Variants in PTBP2 observed in about 807,000 individuals in gnomAD.
The protein encoded by PTBP2 is polypyrimidine tract binding protein 2, also known as polypyrimidine tract-binding protein 2.
Under a neutral mutation model 61.4 loss-of-function variants are expected in PTBP2, and 13 were observed. That is an observed-to-expected ratio of 0.21 (90% CI 0.14 to 0.34). PTBP2 has a LOEUF of 0.34. Among genes scored for constraint, PTBP2 ranks in the 10% least tolerant of loss-of-function variants. The pLI is 1.00. For missense variants in PTBP2, 405 were observed against 642.6 expected, an observed-to-expected ratio of 0.63 and a Z score of 4.00; for synonymous variants, 215 against 218.5, an observed-to-expected ratio of 0.98 and a Z score of 0.14.
chr1:96,769,367 T>C (rs1657126340), intron 3 of PTBP2, among the ~76,000 whole-genome samples: 1 of 152,072 alleles, frequency 6.6e-6, no homozygotes, highest in Non-Finnish European at 1.5e-5. Context: ...AATGTAGTTA[T>C]GTGGCACATG....
intron 2 of PTBP2, among the ~76,000 whole-genome samples, chr1:96,734,917 T>C (rs12047543): frequency 0.074 from 11,077 of 148,966 alleles, 397 homozygotes; most frequent in East Asian, 0.16. Flanking sequence ...TTTTTTTTTT[T>C]TTTTTCCTGC....
chr1:96,745,071 A>G (rs1653569063), intron 2 of PTBP2, among the ~76,000 whole-genome samples: 2 of 152,166 alleles, frequency 1.3e-5, no homozygotes, highest in South Asian at 2.1e-4. Context: ...ATTTGTGAGA[A>G]TGTTATGAAA....
rs573382919 is a variant in PTBP2, at chr1:96,755,322, C to A, written c.115+3822C>A. ...AATATTACAAACCTATTAATAGTGA[C>A]TAAAATTAAAAAGAGTGCCATCTTG... On this transcript the variant is annotated intron_variant, in intron 3 of 13. Transcript: ENST00000674951. 3.9e-5 allele frequency among the ~76,000 whole-genome samples: 6 copies of A among 152,098 alleles called. No individual in the cohort carries two copies. In the East Asian group the frequency reaches 1.2e-3, roughly 29 times the overall value.
At chr1:96,779,313 C>T (rs954573932) in intron 7 of PTBP2, among the ~76,000 whole-genome samples, 3 of 151,954 alleles carry the variant, frequency 2.0e-5, no homozygotes, top group Non-Finnish European at 2.9e-5. Context: ...CAACTTCAAA[C>T]GTTTAAATAT....
chr1:96,746,082 A>C (rs993393652), intron 2 of PTBP2, among the ~76,000 whole-genome samples: 9 of 152,002 alleles, frequency 5.9e-5, no homozygotes, highest in East Asian at 1.9e-4. Flanking sequence ...AAACAAAAAA[A>C]AACAACAACA....
In PTBP2 at chr1:96,735,550, C is replaced by T. The variant is rs1017351871; in HGVS notation, c.39+11956C>T. Among the ~76,000 whole-genome samples, 37 of 151,776 alleles carry T rather than the reference C, an allele frequency of 2.4e-4. 1 individual carries two copies. In the East Asian group the frequency reaches 7.2e-3, roughly 30 times the overall value. ...GATGAGAATGGTTGTTGTTGTAGTT[C>T]TTTAATCTGTAAATCTACATTTGGA... On this transcript the variant is annotated intron_variant, in intron 2 of 13. Coordinates refer to ENST00000674951, the MANE Select transcript of PTBP2 (RefSeq NM_021190.4).
intron 2 of PTBP2, among the ~76,000 whole-genome samples, chr1:96,731,790 A>G (rs75419969): frequency 2.6e-5 from 4 of 152,090 alleles, no homozygotes; most frequent in African/African-American, 7.2e-5. Flanking sequence ...GATTTGTTGC[A>G]TTTCTTTAAA....
chr1:96,742,562 G>A lies in PTBP2; in HGVS notation c.40-8863G>A, dbSNP rs1653174816. 2.0e-5 allele frequency among the ~76,000 whole-genome samples: 3 copies of A among 150,620 alleles called. No homozygotes were observed. In the South Asian group the frequency reaches 6.3e-4, roughly 32 times the overall value. The stretch of plus-strand genomic sequence containing the variant: ...AACCTTTTTACTTGTTTTCTTTTTT[G>A]TTGGGGGCAGTGGAGGGATTCACTT... On this transcript the variant is annotated intron_variant, in intron 2 of 13. Coordinates refer to ENST00000674951, the MANE Select transcript of PTBP2 (RefSeq NM_021190.4).
In PTBP2 at chr1:96,808,806, CACAA is replaced by C. The variant is rs890631532; in HGVS notation, c.1171+1852_1171+1855del. 1.5e-3 allele frequency among the ~76,000 whole-genome samples: 223 copies of C among 148,954 alleles called. 1 individual carries two copies. Among genetic ancestry groups the C allele is most frequent in the African/African-American group, 4.8e-3 (197 of 41,352 alleles). On this transcript the variant is annotated intron_variant, in intron 11 of 13. Coordinates refer to ENST00000674951, the MANE Select transcript of PTBP2 (RefSeq NM_021190.4). ...CATCATTTCCTTTAAAACACACACA[CACAA>C]ACACACACACACACACGCATACACT... is the stretch of plus-strand genomic sequence containing the variant.
chr1:96,802,072 G>A (rs543164330), intron 8 of PTBP2, among the ~76,000 whole-genome samples: 301 of 150,966 alleles, frequency 2.0e-3, no homozygotes, highest in African/African-American at 6.8e-3. Context: ...TTAGCCGGGC[G>A]TGTTGGCGGG....
At chr1:96,766,168 A>G (rs568593016) in intron 3 of PTBP2, among the ~76,000 whole-genome samples, 10 of 152,340 alleles carry the variant, frequency 6.6e-5, no homozygotes, top group Non-Finnish European at 1.3e-4. Flanking sequence ...AGAAGTATTC[A>G]AGTAGAAACC....
chr1:96,730,137 T>G (rs1651205499), intron 2 of PTBP2, among the ~76,000 whole-genome samples: 2 of 152,208 alleles, frequency 1.3e-5, no homozygotes, highest in Non-Finnish European at 2.9e-5. Flanking sequence ...CTGTCTGGAT[T>G]GAAGTTTATT....
At chr1:96,735,794 C>A (rs34057734) in intron 2 of PTBP2, among the ~76,000 whole-genome samples, 44,398 of 151,918 alleles carry the variant, frequency 0.29, 7,211 homozygotes, top group East Asian at 0.44. Flanking sequence ...ATCTAATTAG[C>A]GTTCCAGAAA....
intron 3 of PTBP2, among the ~76,000 whole-genome samples, chr1:96,764,409 T>A (rs1656414661): frequency 6.6e-6 from 1 of 152,220 alleles, no homozygotes; most frequent in African/African-American, 2.4e-5. Flanking sequence ...GCTTGACAAT[T>A]CTAAGGTACA....
intron 2 of PTBP2, among the ~76,000 whole-genome samples, chr1:96,748,905 T>C (rs1429235460): frequency 6.6e-6 from 1 of 152,204 alleles, no homozygotes; most frequent in Admixed American, 6.5e-5. Flanking sequence ...GTGGTAAGCT[T>C]TTTGCTCAAT....
intron 3 of PTBP2, among the ~76,000 whole-genome samples, chr1:96,766,906 CCT>C (rs1656794251): frequency 6.6e-6 from 1 of 151,988 alleles, no homozygotes; most frequent in African/African-American, 2.4e-5. Context: ...AATCATGCTC[CCT>C]GAGTTTAATC....
At chr1:96,807,972 CTGT>C (rs1661662151) in intron 11 of PTBP2, among the ~76,000 whole-genome samples, 1 of 152,078 alleles carries the variant, frequency 6.6e-6, no homozygotes, top group Non-Finnish European at 1.5e-5. Flanking sequence ...ATAGTCATTG[CTGT>C]TGTTTTCATA....
At chr1:96,778,411 G>C (rs1358872869) in intron 7 of PTBP2, among the ~76,000 whole-genome samples, 1 of 151,336 alleles carries the variant, frequency 6.6e-6, no homozygotes. Flanking sequence ...TTTATGAATA[G>C]GTTTCTAGTC....
At chr1:96,726,869 C>T (rs1044680453) in intron 2 of PTBP2, among the ~76,000 whole-genome samples, 2 of 152,272 alleles carry the variant, frequency 1.3e-5, no homozygotes, top group East Asian at 3.9e-4. Flanking sequence ...AGGCTTGAGC[C>T]ACCGCGTCCG....
Sources: allele counts gnomAD v4.1 joint callset (sites outside exome capture counted in the v4.1 genomes callset), GRCh38; gene constraint gnomAD v4.1.1; transcripts MANE v1.5; gene names NCBI Gene and HGNC (gene_info 2026-07-23, HGNC 2026-07-21).